The following DNAJC24 variants were observed in gnomAD, a reference collection of about 807,000 sequenced individuals.
The protein encoded by DNAJC24 is dnaJ homolog subfamily C member 24.
In DNAJC24, 17 loss-of-function variants were observed where a neutral mutation model predicts 18.0. That is an observed-to-expected ratio of 0.94 (90% CI 0.65 to 1.42). The LOEUF is 1.42. Ranked by LOEUF, DNAJC24 falls within the 40% of genes most tolerant of loss-of-function variation. The pLI is 0.00. For synonymous variants in DNAJC24, 55 were observed against 57.7 expected (o/e 0.95, Z 0.21); for missense variants, 158 against 175.6 (o/e 0.90, Z 0.57).
At chr11:31,426,671 T>C (rs1952865429) in intron 4 of DNAJC24, 1 of 200,860 alleles carries the variant, frequency 5.0e-6, no homozygotes, top group Non-Finnish European at 9.9e-6. Flanking sequence ...AGTATTGTAG[T>C]ATGGTAAATA....
chr11:31,403,008 G>A (rs1418390229), intron 2 of DNAJC24, among the ~76,000 whole-genome samples: 1 of 152,162 alleles, frequency 6.6e-6, no homozygotes, highest in Non-Finnish European at 1.5e-5. Context: ...GCACATGACG[G>A]TATTCTCTTT....
intron 4 of DNAJC24, chr11:31,427,480 C>T (rs1288556796): frequency 1.3e-5 from 2 of 151,990 alleles, no homozygotes; most frequent in African/African-American, 4.8e-5. Context: ...CAGATTTTCA[C>T]TGCTGGTGTG....
chr11:31,381,155 G>A (rs1429117523), intron 2 of DNAJC24, among the ~76,000 whole-genome samples: 1 of 152,132 alleles, frequency 6.6e-6, no homozygotes, highest in South Asian at 2.1e-4. Context: ...CATACCTCTT[G>A]AGACATGAAG....
At chr11:31,403,883 G>T (rs984945948) in intron 2 of DNAJC24, among the ~76,000 whole-genome samples, 1 of 152,226 alleles carries the variant, frequency 6.6e-6, no homozygotes, top group Admixed American at 6.5e-5. Flanking sequence ...AGTTTATTAA[G>T]AAAGTAGAGG....
At chr11:31,408,035 T>C (rs1255117820) in intron 2 of DNAJC24, 1 of 451,378 alleles carries the variant, frequency 2.2e-6, no homozygotes, top group African/African-American at 2.0e-5. Context: ...CATTTATGAT[T>C]AGTGAACGAA....
At chr11:31,411,660 G>A (rs1952711732) in intron 2 of DNAJC24, among the ~76,000 whole-genome samples, 1 of 152,180 alleles carries the variant, frequency 6.6e-6, no homozygotes, top group Non-Finnish European at 1.5e-5. Flanking sequence ...CGTCTCTTCT[G>A]TGTGTCAGCT....
intron 2 of DNAJC24, among the ~76,000 whole-genome samples, chr11:31,404,149 C>G (rs1302242528): frequency 1.3e-5 from 2 of 152,148 alleles, no homozygotes; most frequent in African/African-American, 4.8e-5. Context: ...AGCTGGCTTC[C>G]TTACTGCAAC....
intron 2 of DNAJC24, among the ~76,000 whole-genome samples, chr11:31,393,490 C>T (rs142960954): frequency 1.5e-4 from 23 of 152,220 alleles, no homozygotes; most frequent in African/African-American, 5.1e-4. Context: ...GGTGATTAGC[C>T]GTGAGGGCTC....
chr11:31,394,592 TA>T (rs1178025244), intron 2 of DNAJC24, among the ~76,000 whole-genome samples: 4 of 151,440 alleles, frequency 2.6e-5, no homozygotes, highest in African/African-American at 9.7e-5. Flanking sequence ...ACTCTGAAGT[TA>T]AAAAAAAGTT....
At chr11:31,406,334 A>C (rs1206757928) in intron 2 of DNAJC24, among the ~76,000 whole-genome samples, 1 of 152,206 alleles carries the variant, frequency 6.6e-6, no homozygotes, top group Non-Finnish European at 1.5e-5. Flanking sequence ...CCTAAAATTT[A>C]TCTCTCCTCC....
At chr11:31,412,122 A>G (rs1012542001) in intron 2 of DNAJC24, among the ~76,000 whole-genome samples, 4 of 152,146 alleles carry the variant, frequency 2.6e-5, no homozygotes, top group Non-Finnish European at 5.9e-5. Context: ...TTTGACTATC[A>G]TAGAACTGAT....
intron 2 of DNAJC24, among the ~76,000 whole-genome samples, chr11:31,371,814 CTTTTTTTTTTTTTT>C (rs1196949855): frequency 1.1e-4 from 8 of 73,844 alleles, no homozygotes; most frequent in Non-Finnish European, 8.4e-5. Context: ...TATCAGTTGA[CTTTTTTTTTTTTTT>C]TTTTTTTTTT....
intron 2 of DNAJC24, among the ~76,000 whole-genome samples, chr11:31,408,656 T>A (rs1952677696): frequency 3.3e-5 from 5 of 152,212 alleles, no homozygotes; most frequent in Admixed American, 2.6e-4. Context: ...TTCCTGTATA[T>A]CTTTTGTAGT....
intron 3 of DNAJC24, among the ~76,000 whole-genome samples, chr11:31,423,494 C>T (rs954040765): frequency 6.6e-6 from 1 of 152,148 alleles, no homozygotes; most frequent in African/African-American, 2.4e-5. Context: ...CTCCTGACCT[C>T]AGGTGATCCA....
intron 3 of DNAJC24, chr11:31,416,264 C>G (rs757731917): frequency 1.3e-5 from 2 of 152,052 alleles, no homozygotes; most frequent in African/African-American, 2.4e-5. Flanking sequence ...GAGCATCTGT[C>G]TAATGTATTT....
At chr11:31,416,161 A>C (rs763877576) in intron 3 of DNAJC24, 1 of 152,196 alleles carries the variant, frequency 6.6e-6, no homozygotes, top group Non-Finnish European at 1.5e-5. Flanking sequence ...TTAAATATTA[A>C]GAACCTGATG....
At chr11:31,412,006 A>G (rs184367895) in intron 2 of DNAJC24, among the ~76,000 whole-genome samples, 17 of 152,324 alleles carry the variant, frequency 1.1e-4, no homozygotes, top group African/African-American at 3.8e-4. Context: ...TACCCATTAA[A>G]TAAATGTCAT....
At chr11:31,399,149 A>G (rs1420367236) in intron 2 of DNAJC24, among the ~76,000 whole-genome samples, 1 of 152,182 alleles carries the variant, frequency 6.6e-6, no homozygotes, top group African/African-American at 2.4e-5. Flanking sequence ...TTGTTTTTAT[A>G]TCTTATGTGC....
chr11:31,426,360 G>C lies in DNAJC24; in HGVS notation c.319+5G>C. 1 of 1,497,532 alleles carries C rather than the reference G, an allele frequency of 6.7e-7. No individual in the cohort carries two copies. The highest frequency in any genetic ancestry group is 1.3e-5 in the South Asian group (1 of 78,014). The allele number at this position is 1,497,532 out of a possible 1,614,324, so 92.8% of individuals were successfully genotyped here. On this transcript the variant is annotated splice_donor_5th_base_variant and intron_variant, in intron 4 of 4. Transcript: ENST00000465995. The stretch of plus-strand genomic sequence containing the variant: ...AAGAAATGTCTTGGAATGAAGGTTG[G>C]ATTTTTTTTTTCTCTTGACAACATT...
Sources: gnomAD v4.1 joint callset for allele counts (sites outside exome capture counted in the v4.1 genomes callset) on GRCh38, gnomAD v4.1.1 for gene constraint, MANE v1.5 for transcripts, NCBI Gene and HGNC (gene_info 2026-07-23, HGNC 2026-07-21) for gene names.